The following PCM1 variants were observed in gnomAD, a reference collection of about 807,000 sequenced individuals.
The protein encoded by PCM1 is pericentriolar material 1 protein.
PCM1 carries 157 observed loss-of-function variants against 241.9 expected under a neutral mutation model. That is an observed-to-expected ratio of 0.65 (90% CI 0.57 to 0.74). The LOEUF (loss-of-function observed/expected upper bound fraction) is 0.74. Among genes scored for constraint, PCM1 ranks in the 30% least tolerant of loss-of-function variants. The pLI is 0.00. For synonymous variants in PCM1, 1,085 were observed against 784.9 expected (o/e 1.38, Z -6.39); for missense variants, 3,478 against 2,360.1 (o/e 1.47, Z -9.81).
chr8:17,943,427 A>G (rs1262084535), intron 6 of PCM1, among the ~76,000 whole-genome samples: 1 of 152,214 alleles, frequency 6.6e-6, no homozygotes, highest in Non-Finnish European at 1.5e-5. Flanking sequence ...AACATGAAGC[A>G]TAATAGGTAA....
At position 17,991,535 on chromosome 8, in the gene PCM1, A is replaced by C. The variant is rs1587995584; in HGVS notation, c.4532-7A>C. 1 of 1,577,834 alleles carries C rather than the reference A, an allele frequency of 6.3e-7. No individual in the cohort carries two copies. Among genetic ancestry groups the C allele is most frequent in the East Asian group, 2.3e-5 (1 of 44,168 alleles). On this transcript the variant is annotated splice_region_variant and splice_polypyrimidine_tract_variant and intron_variant, in intron 27 of 38. Coordinates refer to ENST00000325083, the MANE Select transcript of PCM1 (RefSeq NM_006197.4). ...ATACTCAAAAAATATTTTTGTTCCA[A>C]ATGTAGGTAACACCGTGATTCACTT...
At chr8:18,023,606 T>C (rs1324975349) in intron 36 of PCM1, among the ~76,000 whole-genome samples, 1 of 152,216 alleles carries the variant, frequency 6.6e-6, no homozygotes, top group Non-Finnish European at 1.5e-5. Flanking sequence ...TTAAAAGATC[T>C]TAATAAATCA....
Position 18,011,306 on chromosome 8 carries a change from A to C in PCM1, c.5290A>C (p.Arg1764=). 1 of 1,607,948 alleles carries C rather than the reference A, an allele frequency of 6.2e-7. No homozygotes were observed. The highest frequency in any genetic ancestry group is 1.1e-5 in the South Asian group (1 of 89,646). Residue 1764 remains arginine (R), a synonymous_variant, in exon 33 of 39, where the codon AGA becomes CGA. Transcript: ENST00000325083. Reference sequence around the variant, plus strand: ...GGTGTATGATGGTCCCAAAAATGTAAGATCTGATATTTCTGATCAAGAGGA... The same window carrying C: ...GGTGTATGATGGTCCCAAAAATGTACGATCTGATATTTCTGATCAAGAGGA... ...SEVYDGPKNV[R]SDISDQEEDE...
chr8:18,012,493 G>A (rs2092654266), intron 34 of PCM1, among the ~76,000 whole-genome samples: 1 of 152,112 alleles, frequency 6.6e-6, no homozygotes, highest in Admixed American at 6.6e-5. Flanking sequence ...CAGTATAAAT[G>A]GGGTTTGGTG....
intron 2 of PCM1, chr8:17,927,556 A>G (rs1319038640): frequency 6.6e-6 from 1 of 151,702 alleles, no homozygotes; most frequent in East Asian, 1.9e-4. Context: ...CTGCAACGGG[A>G]TGTTCTTTTT....
intron 28 of PCM1, among the ~76,000 whole-genome samples, 193 bp downstream of exon 28, chr8:17,991,893 C>A (rs1339838598): frequency 6.6e-6 from 1 of 152,096 alleles, no homozygotes; most frequent in Admixed American, 6.6e-5. Context: ...TCCACTGTAT[C>A]CTGCTTATGT....
chr8:17,926,493 A>G (rs1433761263), intron 2 of PCM1: 1 of 152,226 alleles, frequency 6.6e-6, no homozygotes, highest in African/African-American at 2.4e-5. Flanking sequence ...TTACATTTTA[A>G]AAGTATCTAT....
At chr8:17,954,460 T>G (rs1286107184) in intron 9 of PCM1, among the ~76,000 whole-genome samples, 2 of 151,668 alleles carry the variant, frequency 1.3e-5, no homozygotes, top group Non-Finnish European at 2.9e-5. Flanking sequence ...AAAAAACAAC[T>G]TAACATGTGA....
At chr8:17,965,711 G>C (rs1331076619) in intron 18 of PCM1, among the ~76,000 whole-genome samples, 2 of 152,176 alleles carry the variant, frequency 1.3e-5, no homozygotes, top group Non-Finnish European at 2.9e-5. Context: ...GTGAAGAATG[G>C]AAAACTACTT....
intron 9 of PCM1, among the ~76,000 whole-genome samples, chr8:17,953,402 A>G (rs886518435): frequency 1.3e-5 from 2 of 152,234 alleles, no homozygotes; most frequent in Non-Finnish European, 2.9e-5. Context: ...AAGGGAAAGA[A>G]TAAAGTTGGA....
Position 18,012,797 on chromosome 8 carries a change from C to G in PCM1, c.5511+970C>G, listed in dbSNP as rs564586906. ...TCTGATTTTCTCCTCTTTTCCTTATCTTTTGGTTTTACTTTGAGAGATTTT... is the reference window on the plus strand; with the variant it reads ...TCTGATTTTCTCCTCTTTTCCTTATGTTTTGGTTTTACTTTGAGAGATTTT... On this transcript the variant is annotated intron_variant, in intron 34 of 38. Coordinates refer to ENST00000325083, the MANE Select transcript of PCM1 (RefSeq NM_006197.4). Among the ~76,000 whole-genome samples the G allele has an allele frequency of 8.5e-5, 13 of 152,108 alleles. No individual in the cohort carries two copies. In the East Asian group the frequency reaches 1.4e-3, roughly 16 times the overall value.
chr8:17,935,837 C>A, intron 3 of PCM1, 131 bp downstream of exon 3: 1 of 506,634 alleles, frequency 2.0e-6, no homozygotes. Flanking sequence ...GGACCCTGGG[C>A]CGTTTATTAT....
chr8:18,011,650 T>A lies in PCM1; in HGVS notation c.5351-17T>A, dbSNP rs371773799. The A allele has an allele frequency of 5.1e-5, 80 of 1,584,016 alleles. No homozygotes were observed. The highest frequency in any genetic ancestry group is 6.8e-5 in the Non-Finnish European group (79 of 1,164,972). ...ATGTGCTGAAATTTACTAAAAATTG[T>A]GTATTAATCAACTTAGATTTGTCTA... On this transcript the variant is annotated splice_polypyrimidine_tract_variant and intron_variant, in intron 33 of 38. Transcript: ENST00000325083.
At chr8:17,993,990 T>C (rs753814261) in intron 29 of PCM1, among the ~76,000 whole-genome samples, 2 of 152,176 alleles carry the variant, frequency 1.3e-5, no homozygotes, top group African/African-American at 4.8e-5. Flanking sequence ...AATCACATCA[T>C]GGTAAATGGG....
chr8:17,978,951 A>G (rs370377707), intron 23 of PCM1, among the ~76,000 whole-genome samples: 28 of 152,220 alleles, frequency 1.8e-4, no homozygotes, highest in African/African-American at 5.8e-4. Context: ...CATAGAAGCT[A>G]TTCTCATGAG....
chr8:18,029,407 A>ACTC lies in PCM1; in HGVS notation c.*1746_*1748dup, dbSNP rs2094406800. 1 of 197,182 alleles carries ACTC rather than the reference A, an allele frequency of 5.1e-6. No individual in the cohort carries two copies. The highest frequency in any genetic ancestry group is 6.1e-5 in the Admixed American group (1 of 16,470). The allele number at this position is 197,182 out of a possible 1,614,324, so 12.2% of individuals were successfully genotyped here. ...GAACAATAAGTTATGTTACATGCAC[A>ACTC]CTCAAATTCTTTATTTTCTCCACTT... On this transcript the variant is annotated 3_prime_UTR_variant, in exon 39 of 39. Coordinates refer to ENST00000325083, the MANE Select transcript of PCM1 (RefSeq NM_006197.4).
chr8:17,995,544 T>A (rs1244296607), intron 29 of PCM1, among the ~76,000 whole-genome samples: 1 of 151,478 alleles, frequency 6.6e-6, no homozygotes, highest in Non-Finnish European at 1.5e-5. Flanking sequence ...TAGCTTTGGC[T>A]GTTCTGAGCT....
intron 36 of PCM1, among the ~76,000 whole-genome samples, chr8:18,019,267 A>C (rs1209058500): frequency 6.6e-6 from 1 of 152,008 alleles, no homozygotes; most frequent in African/African-American, 2.4e-5. Context: ...AATCTTTCAT[A>C]CTTTTAGCTT....
At chr8:17,925,978 T>G (rs1173079280) in intron 2 of PCM1, 1 of 151,966 alleles carries the variant, frequency 6.6e-6, no homozygotes, top group Non-Finnish European at 1.5e-5. Flanking sequence ...GATGTATATC[T>G]TAATTATAAT....
Sources: allele counts gnomAD v4.1 joint callset (sites outside exome capture counted in the v4.1 genomes callset), GRCh38; gene constraint gnomAD v4.1.1; transcripts MANE v1.5; gene names NCBI Gene and HGNC (gene_info 2026-07-23, HGNC 2026-07-21).